The following PDE6C variants were observed in gnomAD, a reference collection of about 807,000 sequenced individuals.
The protein encoded by PDE6C is cone cGMP-specific 3',5'-cyclic phosphodiesterase subunit alpha'.
In PDE6C, 75 loss-of-function variants were observed where a neutral mutation model predicts 113.1. That is an observed-to-expected ratio of 0.66 (90% CI 0.55 to 0.80). The LOEUF (loss-of-function observed/expected upper bound fraction) is 0.80, where lower values mean the gene tolerates loss of function less well. Ranked by LOEUF, PDE6C falls within the 30% of genes least tolerant of loss-of-function variation. The pLI is 0.00. For missense variants in PDE6C, 912 were observed against 1,038.6 expected (o/e 0.88, Z 1.67); for synonymous variants, 375 against 363.7 (o/e 1.03, Z -0.35).
chr10:93,621,538 A>G (rs2058446421), intron 3 of PDE6C, among the ~76,000 whole-genome samples: 1 of 152,144 alleles, frequency 6.6e-6, no homozygotes, highest in South Asian at 2.1e-4. Context: ...GTTACCTCTG[A>G]CTATCTCAGG....
At chr10:93,643,321 G>A (rs556557199) in intron 14 of PDE6C, among the ~76,000 whole-genome samples, 3 of 152,060 alleles carry the variant, frequency 2.0e-5, no homozygotes, top group Non-Finnish European at 4.4e-5. Flanking sequence ...AACTGTATGG[G>A]CATGTGGTGA....
At position 93,637,017 on chromosome 10, in the gene PDE6C, T is replaced by C; in HGVS notation, c.1436T>C (p.Val479Ala). Reference sequence around the variant, plus strand: ...TAGAAATTTCAAGAGAAGTTAAATGTTGATGTAATTGACGACTGTGAAGAA... The same window carrying C: ...TAGAAATTTCAAGAGAAGTTAAATGCTGATGTAATTGACGACTGTGAAGAA... ...SILKFQEKLNVDVIDDCEEKQ... is the reference protein window; with the variant it reads ...SILKFQEKLNADVIDDCEEKQ... Residue 479 changes from valine (V) to alanine (A), a missense_variant, in exon 11 of 22, where the codon GTT becomes GCT. By Grantham distance (64) the Val-to-Ala change is moderately conservative. Transcript: ENST00000371447. 1 of 1,602,266 alleles carries C rather than the reference T, an allele frequency of 6.2e-7. No homozygotes were observed. Among genetic ancestry groups the C allele is most frequent in the African/African-American group, 1.3e-5 (1 of 74,788 alleles).
Position 93,662,550 on chromosome 10 carries a change from C to T in PDE6C, c.2284-10C>T. 1.6e-6 allele frequency: 2 copies of T among 1,237,348 alleles called. No individual in the cohort carries two copies. The highest frequency in any genetic ancestry group is 1.2e-6 in the Non-Finnish European group (1 of 851,556). 76.6% of individuals were successfully genotyped at this position (1,237,348 alleles called of 1,614,324 possible). A position where few individuals can be genotyped will look rare whatever the true frequency, so the allele number is the denominator to read the frequency against. ...GAAACCTGTCTTAAAGGATTTATTT[C>T]TCTTTCTAGCCTATGATGGACAGAA... On this transcript the variant is annotated splice_polypyrimidine_tract_variant and intron_variant, in intron 19 of 21. Transcript: ENST00000371447.
At chr10:93,622,365 C>T (rs1436245974) in intron 4 of PDE6C, among the ~76,000 whole-genome samples, 1 of 151,382 alleles carries the variant, frequency 6.6e-6, no homozygotes, top group Non-Finnish European at 1.5e-5. Context: ...TACGGAGTTT[C>T]CTCTTCCCTC....
At chr10:93,645,366 CTTCT>C (rs1407628763) in intron 14 of PDE6C, among the ~76,000 whole-genome samples, 1 of 152,038 alleles carries the variant, frequency 6.6e-6, no homozygotes, top group African/African-American at 2.4e-5. Context: ...TTTTTTATTT[CTTCT>C]TTCTTTAAAA....
At position 93,613,063 on chromosome 10, in the gene PDE6C, G is replaced by A. The variant is rs758166605; in HGVS notation, c.338G>A (p.Arg113Lys). Residue 113 changes from arginine to lysine, a missense_variant, in exon 1 of 22, where the codon AGG (arginine) becomes AAG (lysine). Transcript: ENST00000371447. ...SRNGIPEVAS[R>K]LLDVTPTSKF... The stretch of plus-strand genomic sequence containing the variant: ...AACGGCATACCTGAGGTGGCCTCTA[G>A]GTTGCTGGATGTCACCCCCACCTCC... 16 of 1,614,234 alleles carry A rather than the reference G, an allele frequency of 9.9e-6. 1 individual carries two copies. The South Asian group carries it at 1.2e-4, about 12-fold the overall frequency.
Position 93,662,712 on chromosome 10 carries a change from C to T in PDE6C, c.2367+69C>T, listed in dbSNP as rs921253824. ...TGAGAAATTTTCTTTCAAACTGTCA[C>T]CAAAATTTAGAAGTCACCCATACGG... On this transcript the variant is annotated intron_variant, in intron 20 of 21. Transcript: ENST00000371447. The T allele has an allele frequency of 7.2e-6, 6 of 835,456 alleles. No homozygotes were observed. In the African/African-American group the frequency reaches 1.0e-4, roughly 14 times the overall value. The allele number at this position is 835,456 out of a possible 1,614,324, so 51.8% of individuals were successfully genotyped here.
At chr10:93,615,637 C>T (rs926101542) in intron 1 of PDE6C, among the ~76,000 whole-genome samples, 2 of 152,224 alleles carry the variant, frequency 1.3e-5, no homozygotes, top group African/African-American at 4.8e-5. Flanking sequence ...CTGTCTCGGA[C>T]TTTCAAAGTG....
chr10:93,642,705 C>T (rs74902760), intron 14 of PDE6C, among the ~76,000 whole-genome samples: 2,666 of 152,260 alleles, frequency 0.018, 79 homozygotes, highest in African/African-American at 0.059. Flanking sequence ...GTTGACCTCT[C>T]AAAGATTGTT....
chr10:93,636,637 T>G (rs1355001041), intron 10 of PDE6C, among the ~76,000 whole-genome samples: 4 of 152,138 alleles, frequency 2.6e-5, no homozygotes, highest in African/African-American at 4.8e-5. Flanking sequence ...TGTAATCATT[T>G]TGGGGGAATT....
At chr10:93,649,817 C>T (rs2058601491) in intron 15 of PDE6C, among the ~76,000 whole-genome samples, 1 of 152,154 alleles carries the variant, frequency 6.6e-6, no homozygotes, top group African/African-American at 2.4e-5. Flanking sequence ...GTTGGCCAGG[C>T]TGGTCTCGAA....
At position 93,659,100 on chromosome 10, in the gene PDE6C, T is replaced by TAAG. The variant is rs2058654670; in HGVS notation, c.2145-3_2145-1dup. On this transcript the variant is annotated splice_region_variant and splice_polypyrimidine_tract_variant and intron_variant, in intron 17 of 21. Coordinates refer to ENST00000371447, the MANE Select transcript of PDE6C (RefSeq NM_006204.4). ...ATTTTAAAATTTTTTGTTTTCTTCC[T>TAAG]AAGGGCAATGATGATGACGGCATGT... 5 of 1,609,874 alleles carry TAAG rather than the reference T, an allele frequency of 3.1e-6. No homozygotes were observed. The highest frequency in any genetic ancestry group is 3.4e-6 in the Non-Finnish European group (4 of 1,177,946).
At position 93,612,578 on chromosome 10, in the gene PDE6C, T is replaced by C. The variant is rs2058396375; in HGVS notation, c.-148T>C. 9.3e-7 allele frequency: 1 copy of C among 1,070,190 alleles called. No homozygotes were observed. Among genetic ancestry groups the C allele is most frequent in the South Asian group, 1.3e-5 (1 of 77,126 alleles). The allele number at this position is 1,070,190 out of a possible 1,614,324, so 66.3% of individuals were successfully genotyped here. A position where few individuals can be genotyped will look rare whatever the true frequency, so the allele number is the denominator to read the frequency against. ...TACAGGCAGTTTGAAAGCTCTGCTT[T>C]CTGCTTGACCTTTGGAAGTCCTATG... On this transcript the variant is annotated 5_prime_UTR_variant, in exon 1 of 22. Transcript: ENST00000371447.
chr10:93,613,135 C>T lies in PDE6C; in HGVS notation c.410C>T (p.Pro137Leu). ...LVGPDKEVVFPLDIGIVGWAA... is the reference protein window; with the variant it reads ...LVGPDKEVVFLLDIGIVGWAA... ...GGCCCTGACAAAGAAGTTGTGTTTCCATTGGACATTGGGATAGTGGGTTGG... is the reference window on the plus strand; with the variant it reads ...GGCCCTGACAAAGAAGTTGTGTTTCTATTGGACATTGGGATAGTGGGTTGG... Residue 137 changes from proline to leucine, a missense_variant, in exon 1 of 22, where the codon CCA becomes CTA. Transcript: ENST00000371447. 1 of 1,614,140 alleles carries T rather than the reference C, an allele frequency of 6.2e-7. No individual in the cohort carries two copies. The highest frequency in any genetic ancestry group is 8.5e-7 in the Non-Finnish European group (1 of 1,180,048).
rs1390467989 is a variant in PDE6C, at chr10:93,620,952, T to C, written c.695T>C (p.Met232Thr). 3 of 1,613,824 alleles carry C rather than the reference T, an allele frequency of 1.9e-6. No homozygotes were observed. The highest frequency in any genetic ancestry group is 1.7e-5 in the Admixed American group (1 of 59,992). Residue 232 changes from methionine (M) to threonine (T), a missense_variant, in exon 3 of 22, where the codon ATG becomes ACG. Transcript: ENST00000371447. The part of the protein sequence containing the change: ...IILRLHHTSY[M>T]YNIESRRSQI... The stretch of plus-strand genomic sequence containing the variant: ...CTAAGGCTTCATCACACCAGCTACA[T>C]GTACAATATTGAATCCCGAAGAAGC...
chr10:93,638,107 T>C (rs1228404134), intron 11 of PDE6C, among the ~76,000 whole-genome samples: 7 of 152,204 alleles, frequency 4.6e-5, no homozygotes, highest in Non-Finnish European at 2.9e-5. Context: ...TTTCAGAGGA[T>C]TGAATTCCTT....
intron 20 of PDE6C, 86 bp downstream of exon 20, chr10:93,662,729 C>A: frequency 2.6e-6 from 2 of 761,910 alleles, no homozygotes; most frequent in African/African-American, 1.7e-5. Context: ...TTAGAAGTCA[C>A]CCATACGGAA....
intron 9 of PDE6C, 88 bp from the exon 10 acceptor site, chr10:93,635,409 A>G (rs2058523400): frequency 1.0e-6 from 1 of 967,308 alleles, no homozygotes; most frequent in Non-Finnish European, 1.7e-6. Flanking sequence ...GATGGAAGGG[A>G]GATGGATAGA....
chr10:93,635,243 A>C (rs2058522304), intron 9 of PDE6C, among the ~76,000 whole-genome samples: 1 of 152,136 alleles, frequency 6.6e-6, no homozygotes, highest in Non-Finnish European at 1.5e-5. Flanking sequence ...CCTAATTTTT[A>C]GGTCCTGCTT....
Sources: allele counts gnomAD v4.1 joint callset (sites outside exome capture counted in the v4.1 genomes callset), GRCh38; gene constraint gnomAD v4.1.1; transcripts MANE v1.5; gene names NCBI Gene and HGNC (gene_info 2026-07-23, HGNC 2026-07-21).